MAP4K3: variants seen among roughly 807,000 people sequenced by gnomAD.
MAP4K3 encodes the protein MAPK/ERK kinase kinase kinase 3.
Under a neutral mutation model 143.5 loss-of-function variants are expected in MAP4K3, and 94 were observed. The ratio of observed to expected loss-of-function variants is 0.65; its 90% CI spans 0.55 to 0.78. The LOEUF (loss-of-function observed/expected upper bound fraction) is 0.78, where lower values mean the gene tolerates loss of function less well. Ranked by LOEUF, MAP4K3 falls within the 30% of genes least tolerant of loss-of-function variation. The pLI is 0.00. For missense variants in MAP4K3, 1,077 were observed against 1,068.1 expected, an observed-to-expected ratio of 1.01 and a Z score of -0.12; for synonymous variants, 416 against 347.2, an observed-to-expected ratio of 1.20 and a Z score of -2.20.
At chr2:39,356,367 A>AT (rs767057456) in intron 2 of MAP4K3, 28 bp from the exon 3 acceptor site, 2 of 1,279,640 alleles carry the variant, frequency 1.6e-6, no homozygotes, top group Admixed American at 2.0e-5. Flanking sequence ...CATGTTGAAT[A>AT]TTTAGAGGTA....
At chr2:39,431,018 A>C (rs769460929) in intron 1 of MAP4K3, among the ~76,000 whole-genome samples, 3 of 152,074 alleles carry the variant, frequency 2.0e-5, no homozygotes, top group African/African-American at 4.8e-5. Context: ...TGGGTCAGCT[A>C]CTCTTCTAGG....
rs1680074173 is a variant in MAP4K3, at chr2:39,249,652, C to T, written c.*966G>A. 6.6e-6 allele frequency: 1 copy of T among 152,408 alleles called. No homozygotes were observed. The highest frequency in any genetic ancestry group is 1.5e-5 in the Non-Finnish European group (1 of 67,970). 9.4% of individuals were successfully genotyped at this position (152,408 alleles called of 1,614,324 possible). ...AATAAGGCCAACAAAAGTAAAAATT[C>T]CAAGAGAAATTTGAACCACTTCACT... On this transcript the variant is annotated 3_prime_UTR_variant, in exon 34 of 34. Coordinates refer to ENST00000263881, the MANE Select transcript of MAP4K3 (RefSeq NM_003618.4).
At chr2:39,382,668 CA>C (rs1666383607) in intron 1 of MAP4K3, among the ~76,000 whole-genome samples, 1 of 152,024 alleles carries the variant, frequency 6.6e-6, no homozygotes, top group Admixed American at 6.6e-5. Context: ...AAATACAAAA[CA>C]AAACAATAAC....
At chr2:39,309,410 A>G in intron 14 of MAP4K3, 51 bp downstream of exon 14, 1 of 1,398,554 alleles carries the variant, frequency 7.2e-7, no homozygotes, top group South Asian at 1.3e-5. Flanking sequence ...ACACAAAAAC[A>G]AATTAAAACA....
chr2:39,313,171 A>G (rs771963650), intron 13 of MAP4K3, among the ~76,000 whole-genome samples: 3 of 152,200 alleles, frequency 2.0e-5, no homozygotes, highest in Admixed American at 6.5e-5. Flanking sequence ...CTGTTGGTCA[A>G]TCATCCCAGT....
chr2:39,353,072 G>A (rs1355009541), intron 3 of MAP4K3, among the ~76,000 whole-genome samples: 1 of 152,160 alleles, frequency 6.6e-6, no homozygotes, highest in Non-Finnish European at 1.5e-5. Flanking sequence ...AAGCAATACA[G>A]TATGCCAAAA....
chr2:39,305,425 G>T (rs1317573749), intron 15 of MAP4K3, among the ~76,000 whole-genome samples: 1 of 152,076 alleles, frequency 6.6e-6, no homozygotes, highest in Non-Finnish European at 1.5e-5. Flanking sequence ...AAAGACTAAC[G>T]AATTTCAGCT....
At chr2:39,435,254 GC>G (rs1376494696) in intron 1 of MAP4K3, among the ~76,000 whole-genome samples, 8 of 152,216 alleles carry the variant, frequency 5.3e-5, no homozygotes, top group Admixed American at 1.3e-4. Context: ...GTAGTAGGGA[GC>G]TCTTTTAAAA....
intron 27 of MAP4K3, among the ~76,000 whole-genome samples, chr2:39,266,560 T>C (rs1313621226): frequency 2.6e-5 from 4 of 152,156 alleles, no homozygotes; most frequent in Admixed American, 2.0e-4. Flanking sequence ...ATCTATTCAG[T>C]TCAAATCTGA....
intron 1 of MAP4K3, among the ~76,000 whole-genome samples, chr2:39,405,166 G>A (rs950649825): frequency 5.9e-5 from 9 of 152,184 alleles, no homozygotes; most frequent in East Asian, 1.9e-4. Context: ...GTCCTGGTAC[G>A]GGTGGCAACA....
At chr2:39,293,669 C>T (rs940703140) in intron 16 of MAP4K3, among the ~76,000 whole-genome samples, 3 of 152,158 alleles carry the variant, frequency 2.0e-5, no homozygotes, top group Non-Finnish European at 4.4e-5. Flanking sequence ...ATTATATATA[C>T]TTTCTTTTTC....
At chr2:39,266,393 A>G (rs2148447120) in intron 27 of MAP4K3, among the ~76,000 whole-genome samples, 1 of 152,338 alleles carries the variant, frequency 6.6e-6, no homozygotes, top group African/African-American at 2.4e-5. Flanking sequence ...TAATAAGTAC[A>G]TGCTCACACA....
chr2:39,255,464 T>A (rs1010143917), intron 31 of MAP4K3, among the ~76,000 whole-genome samples: 1 of 152,200 alleles, frequency 6.6e-6, no homozygotes, highest in African/African-American at 2.4e-5. Flanking sequence ...GAATGGCCCA[T>A]TTCTTCCCCA....
chr2:39,291,657 G>A (rs1682051790), intron 18 of MAP4K3, among the ~76,000 whole-genome samples: 1 of 152,144 alleles, frequency 6.6e-6, no homozygotes. Flanking sequence ...AGGCTGAGGT[G>A]AGCAGATTGC....
chr2:39,252,816 C>T (rs1187444115), intron 32 of MAP4K3, among the ~76,000 whole-genome samples: 2 of 152,234 alleles, frequency 1.3e-5, no homozygotes, highest in Non-Finnish European at 2.9e-5. Context: ...AAACAACATG[C>T]TCAGCATGCT....
intron 26 of MAP4K3, among the ~76,000 whole-genome samples, chr2:39,271,555 C>G (rs1194422247): frequency 6.6e-6 from 1 of 152,112 alleles, no homozygotes; most frequent in Non-Finnish European, 1.5e-5. Flanking sequence ...ATTACTGAAA[C>G]TAGAAAGGCA....
intron 24 of MAP4K3, among the ~76,000 whole-genome samples, chr2:39,273,915 T>C (rs2148457047): frequency 6.6e-6 from 1 of 152,336 alleles, no homozygotes; most frequent in South Asian, 2.1e-4. Context: ...CAATGACTTA[T>C]TCCAGACCAC....
chr2:39,381,974 T>G (rs1666366452), intron 1 of MAP4K3, among the ~76,000 whole-genome samples: 3 of 152,198 alleles, frequency 2.0e-5, no homozygotes. Context: ...CTGGGTAACC[T>G]TTCTAAAATG....
At chr2:39,414,186 T>C (rs1465113571) in intron 1 of MAP4K3, among the ~76,000 whole-genome samples, 1 of 152,098 alleles carries the variant, frequency 6.6e-6, no homozygotes, top group Admixed American at 6.6e-5. Context: ...CACCAACCTC[T>C]CCATCAAAAG....
Sources: allele counts gnomAD v4.1 joint callset (sites outside exome capture counted in the v4.1 genomes callset), GRCh38; gene constraint gnomAD v4.1.1; transcripts MANE v1.5; gene names NCBI Gene and HGNC (gene_info 2026-07-23, HGNC 2026-07-21).